Variants in ZNF608 observed in about 807,000 individuals in gnomAD.
The protein encoded by ZNF608 is zinc finger protein 608.
Under a neutral mutation model 109.0 loss-of-function variants are expected in ZNF608, and 12 were observed. The ratio of observed to expected loss-of-function variants is 0.11; its 90% CI spans 0.07 to 0.18. The LOEUF is 0.18. ZNF608 is among the 10% of genes least tolerant of loss of function. The pLI, the probability that ZNF608 is intolerant of heterozygous loss-of-function variation, is 1.00. For missense variants in ZNF608, 1,707 were observed against 1,879.3 expected (o/e 0.91, Z 1.70); for synonymous variants, 732 against 717.4 (o/e 1.02, Z -0.33).
intron 2 of ZNF608, among the ~76,000 whole-genome samples, chr5:124,706,905 A>G (rs1753281855): frequency 6.6e-6 from 1 of 152,146 alleles, no homozygotes; most frequent in African/African-American, 2.4e-5. Context: ...GAGAGAGCCT[A>G]AGAGCATGGG....
rs1749537151 is a variant in ZNF608, at chr5:124,744,128, C to T, written c.862G>A (p.Glu288Lys). Residue 288 changes from glutamate to lysine, a missense_variant, in exon 2 of 10, where the codon GAG (glutamate) becomes AAG (lysine). Glu to Lys is a moderately conservative substitution (Grantham distance 56). Coordinates refer to ENST00000513986, the MANE Select transcript of ZNF608 (RefSeq NM_020747.3). The surrounding 1 kb of genome is among the most constrained non-coding windows in gnomAD (Gnocchi z 4.5). ...NSMLVKKEEE[E>K]EESHRRIKKL... is the part of the protein sequence containing the mutation. Reference sequence around the variant, plus strand: ...TTGATTCGCCTGTGGCTCTCCTCCTCCTCCTCTTCCTTCTTTACCAACATA... The same window carrying T: ...TTGATTCGCCTGTGGCTCTCCTCCTTCTCCTCTTCCTTCTTTACCAACATA... 1 of 1,607,464 alleles carries T rather than the reference C, an allele frequency of 6.2e-7. No individual in the cohort carries two copies.
intron 3 of ZNF608, among the ~76,000 whole-genome samples, chr5:124,680,271 C>A (rs1002725082): frequency 1.3e-5 from 2 of 151,082 alleles, no homozygotes; most frequent in South Asian, 4.2e-4. Flanking sequence ...GAATAAATAA[C>A]AGCTATGAAG....
intron 3 of ZNF608, among the ~76,000 whole-genome samples, chr5:124,674,724 C>A (rs965520792): frequency 6.6e-6 from 1 of 152,184 alleles, no homozygotes. Flanking sequence ...AATCCTCCTA[C>A]CTCAGCCTCC....
At chr5:124,680,360 A>G (rs1212472013) in intron 3 of ZNF608, among the ~76,000 whole-genome samples, 1 of 149,926 alleles carries the variant, frequency 6.7e-6, no homozygotes, top group Non-Finnish European at 1.5e-5. Flanking sequence ...AAAAAAAAAA[A>G]AGGAAGATTT....
chr5:124,649,626 C>T lies in ZNF608; in HGVS notation c.1234G>A (p.Asp412Asn), dbSNP rs1463970514. ...TGTTCATACCTGGGAGGGGCCCAGT[C>T]GTGCTTGGTGCAGTCCAGTAGGGTT... ...VGTLLDCTKH[D>N]WAPPRFCESP... is the part of the protein sequence containing the mutation. Residue 412 changes from aspartate (D) to asparagine (N), a missense_variant, in exon 4 of 10, where the codon GAC becomes AAC. Asp to Asn is a conservative substitution (Grantham distance 23, BLOSUM62 1). Coordinates refer to ENST00000513986, the MANE Select transcript of ZNF608 (RefSeq NM_020747.3). 10 of 1,612,126 alleles carry T rather than the reference C, an allele frequency of 6.2e-6. No individual in the cohort carries two copies. Among genetic ancestry groups the T allele is most frequent in the Non-Finnish European group, 8.5e-6 (10 of 1,179,120 alleles).
chr5:124,713,416 T>C (rs1198386446), intron 2 of ZNF608, among the ~76,000 whole-genome samples: 1 of 152,252 alleles, frequency 6.6e-6, no homozygotes, highest in East Asian at 1.9e-4. Context: ...TTTCTACAGA[T>C]GAATTTTTGC....
chr5:124,712,130 A>G (rs77650931), intron 2 of ZNF608, among the ~76,000 whole-genome samples: 29,704 of 152,084 alleles, frequency 0.2, 3,072 homozygotes, highest in Admixed American at 0.28. Context: ...CCGGGCAACA[A>G]AGCCAGACTC....
chr5:124,721,450 G>T (rs982257005), intron 2 of ZNF608, among the ~76,000 whole-genome samples: 1 of 152,178 alleles, frequency 6.6e-6, no homozygotes, highest in Non-Finnish European at 1.5e-5. Flanking sequence ...TTCCAGGCTG[G>T]CAGGGGAAAC....
chr5:124,657,512 T>A (rs1751064221), intron 3 of ZNF608, among the ~76,000 whole-genome samples: 1 of 151,068 alleles, frequency 6.6e-6, no homozygotes, highest in Non-Finnish European at 1.5e-5. Context: ...AATAAAAAAA[T>A]AAAAAAATAA....
rs1369446666 is a variant in ZNF608 at position 124,648,152 on chromosome 5, G to GGGGGCT, written c.2226_2231dup (p.Ala743_Pro744dup). ...GTATAGCGATTAGCTGCGGGGGAGT[G>GGGGGCT]GGGGCTGGGGCAGGGGCAATGGGCC... On this transcript the variant is annotated inframe_insertion, in exon 5 of 10. Transcript: ENST00000513986. The GGGGGCT allele has an allele frequency of 6.2e-7, 1 of 1,613,538 alleles. No homozygotes were observed. The highest frequency in any genetic ancestry group is 1.1e-5 in the South Asian group (1 of 91,042).
At chr5:124,652,067 G>C (rs1411240905) in intron 3 of ZNF608, among the ~76,000 whole-genome samples, 8 of 152,248 alleles carry the variant, frequency 5.3e-5, no homozygotes, top group Admixed American at 5.2e-4. Flanking sequence ...CTCAATACAG[G>C]CTCAAGGGAA....
At chr5:124,739,237 G>A (rs773949194) in intron 2 of ZNF608, among the ~76,000 whole-genome samples, 5 of 152,178 alleles carry the variant, frequency 3.3e-5, no homozygotes, top group Non-Finnish European at 7.3e-5. Flanking sequence ...ACAAAGGCCG[G>A]ATAATGTTTT....
intron 3 of ZNF608, among the ~76,000 whole-genome samples, chr5:124,686,453 G>T (rs1294394982): frequency 6.6e-6 from 1 of 152,220 alleles, no homozygotes; most frequent in Non-Finnish European, 1.5e-5. Context: ...ACTGCAGCCA[G>T]CTTCAAGAGG....
At chr5:124,661,808 C>T (rs1281759608) in intron 3 of ZNF608, among the ~76,000 whole-genome samples, 1 of 152,222 alleles carries the variant, frequency 6.6e-6, no homozygotes, top group Admixed American at 6.5e-5. Context: ...GCCAGCTAAC[C>T]TTTCTCTGCA....
Position 124,685,909 on chromosome 5 carries a change from C to T in ZNF608, c.1162+15105G>A, listed in dbSNP as rs112755655. Reference sequence around the variant, plus strand: ...CTGTGAGAAAATATAGATGGTGATGCTAAATCACAGCCTCAAATACTTAAC... The same window carrying T: ...CTGTGAGAAAATATAGATGGTGATGTTAAATCACAGCCTCAAATACTTAAC... On this transcript the variant is annotated intron_variant, in intron 3 of 9. Coordinates refer to ENST00000513986, the MANE Select transcript of ZNF608 (RefSeq NM_020747.3). 9.1e-3 allele frequency among the ~76,000 whole-genome samples: 1,380 copies of T among 152,252 alleles called. 31 individuals carry two copies. Among genetic ancestry groups the T allele is most frequent in the African/African-American group, 0.031 (1,270 of 41,558 alleles).
chr5:124,673,755 T>A (rs1229824371), intron 3 of ZNF608, among the ~76,000 whole-genome samples: 2 of 152,198 alleles, frequency 1.3e-5, no homozygotes, highest in African/African-American at 2.4e-5. Flanking sequence ...CTCATCAGTT[T>A]TGATGCATAT....
At chr5:124,638,836 TAAA>T (rs1346565453) in intron 9 of ZNF608, 35 of 1,134,926 alleles carry the variant, frequency 3.1e-5, no homozygotes, top group Non-Finnish European at 3.8e-5. Flanking sequence ...TTAAACATAA[TAAA>T]ACAAAGGGAG....
intron 2 of ZNF608, among the ~76,000 whole-genome samples, chr5:124,719,344 T>G (rs1580690520): frequency 6.6e-6 from 1 of 152,356 alleles, no homozygotes; most frequent in Admixed American, 6.5e-5. Flanking sequence ...AGCTGGCAAC[T>G]AACAGTTTAG....
chr5:124,667,451 T>A (rs1751522597), intron 3 of ZNF608, among the ~76,000 whole-genome samples: 1 of 131,302 alleles, frequency 7.6e-6, no homozygotes, highest in Non-Finnish European at 1.6e-5. Flanking sequence ...CACAGCTTCC[T>A]CCCACCCCCA....
Sources: gnomAD v4.1 joint callset for allele counts (sites outside exome capture counted in the v4.1 genomes callset) on GRCh38, gnomAD v4.1.1 for gene constraint, Gnocchi (gnomAD v3.1) non-coding constraint, MANE v1.5 for transcripts, NCBI Gene and HGNC (gene_info 2026-07-23, HGNC 2026-07-21) for gene names.